The following SLC19A1 variants were observed in gnomAD, a reference collection of about 807,000 sequenced individuals.
SLC19A1 encodes solute carrier family 19 member 1.
Under a neutral mutation model 35.3 loss-of-function variants are expected in SLC19A1, and 37 were observed. That is an observed-to-expected ratio of 1.05 (90% confidence interval 0.81 to 1.38). SLC19A1 has a LOEUF of 1.38. SLC19A1 is among the 40% of genes most tolerant of loss of function. The pLI is 0.00. For missense variants in SLC19A1, 831 were observed against 826.9 expected (o/e 1.00, Z -0.06); for synonymous variants, 460 against 398.5 (o/e 1.15, Z -1.84).
In SLC19A1 at chr21:45,503,919, TCAGG is replaced by T. The variant is rs2037022746; in HGVS notation, c.498-5311_498-5308del. ...CTACCGCGAAATGGCTAGAAGGGCC[TCAGG>T]CAAACCCACCAGTGCTGGGGGCTGC... is the stretch of plus-strand genomic sequence containing the variant. On this transcript the variant is annotated intron_variant, in intron 3 of 4. Coordinates refer to the SLC19A1 transcript ENST00000417954. The T allele has an allele frequency of 7.8e-6, 11 of 1,417,656 alleles. No homozygotes were observed. In the South Asian group the frequency reaches 1.3e-4, roughly 16 times the overall value. The allele number at this position is 1,417,656 out of a possible 1,614,324, so 87.8% of individuals were successfully genotyped here.
chr21:45,531,369 G>C lies in SLC19A1; in HGVS notation c.949+20C>G. ...GGAAGCCTCTGCGGGAAGAAGCCTC[G>C]GGGACCAGGGCATGCGTACCCAGCA... On this transcript the variant is annotated intron_variant, in intron 3 of 5. Coordinates refer to ENST00000311124, the MANE Select transcript of SLC19A1 (RefSeq NM_194255.4). 6.5e-7 allele frequency: 1 copy of C among 1,546,252 alleles called. No individual in the cohort carries two copies. The highest frequency in any genetic ancestry group is 2.3e-5 in the East Asian group (1 of 44,286).
chr21:45,511,262 C>G, downstream of SLC19A1: 2 of 1,227,852 alleles, frequency 1.6e-6, no homozygotes, highest in Non-Finnish European at 2.4e-6. Flanking sequence ...GCTCTGAGAG[C>G]CCCAGCCAGG....
chr21:45,531,700 T>C lies in SLC19A1; in HGVS notation c.638A>G (p.Asn213Ser), dbSNP rs1379933336. Residue 213 changes from asparagine to serine, a missense_variant, in exon 3 of 6, where the codon AAC becomes AGC. Transcript: ENST00000311124. ...TTCGCACCGCCCCCGGTCGTCGCGG[T>C]TGAAGAAGAGGCTGCGCTTGGGGCG... ...LKRPKRSLFFNRDDRGRCETS... is the reference protein window; with the variant it reads ...LKRPKRSLFFSRDDRGRCETS... 5 of 1,612,580 alleles carry C rather than the reference T, an allele frequency of 3.1e-6. No individual in the cohort carries two copies. In the East Asian group the frequency reaches 6.7e-5, roughly 22 times the overall value.
At chr21:45,519,792 A>G (rs117867256) in intron 5 of SLC19A1, among the ~76,000 whole-genome samples, 2 of 152,220 alleles carry the variant, frequency 1.3e-5, no homozygotes, top group Non-Finnish European at 2.9e-5. Flanking sequence ...AGACTTCAAT[A>G]CCCCCTCTCA....
downstream of SLC19A1, among the ~76,000 whole-genome samples, chr21:45,510,508 C>T (rs9306131): frequency 0.58 from 87,804 of 151,822 alleles, 25,614 homozygotes; most frequent in African/African-American, 0.66. Context: ...CCGTGGCCCC[C>T]TGACCCCCCG....
intron 1 of SLC19A1, among the ~76,000 whole-genome samples, chr21:45,552,554 C>A (rs1675814976): frequency 6.6e-6 from 1 of 152,202 alleles, no homozygotes; most frequent in Non-Finnish European, 1.5e-5. Context: ...GTCTCGGGAC[C>A]ACGTGGAGGA....
chr21:45,555,441 G>T (rs2078549717), intron 1 of SLC19A1, among the ~76,000 whole-genome samples: 1 of 112,682 alleles, frequency 8.9e-6, no homozygotes, highest in Non-Finnish European at 1.9e-5. Context: ...GGTGTTGGGG[G>T]CGGGAGGGGG....
upstream of SLC19A1, among the ~76,000 whole-genome samples, chr21:45,546,034 G>A (rs951809200): frequency 5.9e-5 from 9 of 152,232 alleles, no homozygotes; most frequent in Non-Finnish European, 1.2e-4. Context: ...GCGGCCAGGG[G>A]TAGCCCATCA....
At chr21:45,553,405 C>G (rs537959747) in intron 1 of SLC19A1, among the ~76,000 whole-genome samples, 2 of 151,640 alleles carry the variant, frequency 1.3e-5, no homozygotes, top group East Asian at 2.0e-4. Context: ...GGAGGCAGCC[C>G]GGCCCATCAC....
intron 5 of SLC19A1, among the ~76,000 whole-genome samples, chr21:45,518,290 A>C (rs1033711849): frequency 4.6e-5 from 7 of 152,246 alleles, no homozygotes; most frequent in Non-Finnish European, 1.0e-4. Context: ...TGGAGGTAGA[A>C]CAATAGAAAT....
intron 1 of SLC19A1, among the ~76,000 whole-genome samples, chr21:45,538,620 GA>G (rs1170360174): frequency 6.6e-6 from 1 of 152,206 alleles, no homozygotes; most frequent in Non-Finnish European, 1.5e-5. Flanking sequence ...CACAGTGAGG[GA>G]AGGGCAGAGG....
chr21:45,551,972 C>T (rs1297642696), intron 1 of SLC19A1, among the ~76,000 whole-genome samples: 6 of 152,172 alleles, frequency 3.9e-5, no homozygotes, highest in South Asian at 4.1e-4. Context: ...TCTGCCGCCA[C>T]GCTGGCCTGA....
rs1055274884 is a variant in SLC19A1 at position 45,517,395 on chromosome 21, G to A, written c.1294-1255C>T. Among the ~76,000 whole-genome samples the A allele has an allele frequency of 3.3e-5, 5 of 151,332 alleles. No individual in the cohort carries two copies. Among genetic ancestry groups the A allele is most frequent in the Admixed American group, 1.3e-4 (2 of 15,214 alleles). ...TCGCCAGCCTGTAACAAGGACCCCC[G>A]AGTCCCCTGCGGGGTGGTGTCAGAC... On this transcript the variant is annotated intron_variant, in intron 5 of 5. Transcript: ENST00000311124. This position sits in a 1 kb window ranked among gnomAD's most constrained non-coding sequence, Gnocchi z 4.4.
At chr21:45,516,942 C>T (rs1476648569) in intron 5 of SLC19A1, among the ~76,000 whole-genome samples, 2 of 152,204 alleles carry the variant, frequency 1.3e-5, no homozygotes, top group Non-Finnish European at 2.9e-5. Context: ...GAAGATGGGG[C>T]TGACACGCTT....
Position 45,525,804 on chromosome 21 carries a change from G to A in SLC19A1, c.1293+13C>T. ...CTTCCATCCCCGAGGACGCAGGCCT[G>A]AAATGGGCTCACCTGCTTGCGGACC... On this transcript the variant is annotated intron_variant, in intron 5 of 5. Coordinates refer to ENST00000311124, the MANE Select transcript of SLC19A1 (RefSeq NM_194255.4). 5.0e-6 allele frequency: 8 copies of A among 1,612,876 alleles called. No individual in the cohort carries two copies. The highest frequency in any genetic ancestry group is 6.8e-6 in the Non-Finnish European group (8 of 1,179,758).
At chr21:45,511,223 C>T (rs1181689604), downstream of SLC19A1, 14 of 1,556,530 alleles carry the variant, frequency 9.0e-6, no homozygotes, top group South Asian at 1.3e-4. Flanking sequence ...AGGCACCCCA[C>T]CTGGTAGGTT....
intron 2 of SLC19A1, 87 bp downstream of exon 2, chr21:45,537,684 C>T (rs2078166923): frequency 1.6e-6 from 2 of 1,241,498 alleles, no homozygotes; most frequent in African/African-American, 1.6e-5. Flanking sequence ...GCCGCCCCCG[C>T]ATCCCGGCGC....
rs936950174 is a variant in SLC19A1 at position 45,534,049 on chromosome 21, C to T, written c.190-1901G>A. Reference sequence around the variant, plus strand: ...GACCCAAAGGCTGTGGTCCCAGCAGCACCAGGCACCCAAGGTCCCTCCGGC... The same window carrying T: ...GACCCAAAGGCTGTGGTCCCAGCAGTACCAGGCACCCAAGGTCCCTCCGGC... On this transcript the variant is annotated intron_variant, in intron 2 of 5. Coordinates refer to ENST00000311124, the MANE Select transcript of SLC19A1 (RefSeq NM_194255.4). The surrounding 1 kb of genome is among the most constrained non-coding windows in gnomAD (Gnocchi z 4.2). Among the ~76,000 whole-genome samples, 1 of 152,112 alleles carries T rather than the reference C, an allele frequency of 6.6e-6. No homozygotes were observed. Among genetic ancestry groups the T allele is most frequent in the African/African-American group, 2.4e-5 (1 of 41,430 alleles).
At position 45,512,685 on chromosome 21, in the gene SLC19A1, C is replaced by T; in HGVS notation, c.*2973G>A. ...TGCAGTATCATGCCCTGTGCAACCT[C>T]TTGGCCTGATCAGACCACGGCTCGA... is the stretch of plus-strand genomic sequence containing the variant. On this transcript the variant is annotated 3_prime_UTR_variant, in exon 6 of 6. Transcript: ENST00000311124. 1 of 506,764 alleles carries T rather than the reference C, an allele frequency of 2.0e-6. No homozygotes were observed. The highest frequency in any genetic ancestry group is 2.1e-5 in the South Asian group (1 of 47,924). 31.4% of individuals were successfully genotyped at this position (506,764 alleles called of 1,614,324 possible).
Sources: gnomAD v4.1 joint callset for allele counts (sites outside exome capture counted in the v4.1 genomes callset) on GRCh38, gnomAD v4.1.1 for gene constraint, Gnocchi (gnomAD v3.1) non-coding constraint, MANE v1.5 for transcripts, NCBI Gene and HGNC (gene_info 2026-07-23, HGNC 2026-07-21) for gene names.